The following SOX5 variants were observed in gnomAD, a reference collection of about 807,000 sequenced individuals.
SOX5 encodes the protein transcription factor SOX-5.
Under a neutral mutation model 92.0 loss-of-function variants are expected in SOX5, and 9 were observed. The observed-to-expected ratio is 0.10, with a 90% CI of 0.06 to 0.17. SOX5 has a LOEUF of 0.17. SOX5 is among the 10% of genes least tolerant of loss of function. The pLI is 1.00. For missense variants in SOX5, 642 were observed against 944.5 expected, an observed-to-expected ratio of 0.68 and a Z score of 4.20; for synonymous variants, 344 against 336.3, an observed-to-expected ratio of 1.02 and a Z score of -0.25.
intron 4 of SOX5, among the ~76,000 whole-genome samples, chr12:24,173,358 G>C (rs899525321): frequency 1.3e-5 from 2 of 152,224 alleles, no homozygotes; most frequent in African/African-American, 4.8e-5. Context: ...ACAGACTGAT[G>C]TGACACTTAA....
intron 8 of SOX5, among the ~76,000 whole-genome samples, chr12:23,629,787 A>G (rs2078298979): frequency 6.6e-6 from 1 of 151,824 alleles, no homozygotes; most frequent in African/African-American, 2.4e-5. Flanking sequence ...TCTATCATCC[A>G]CCAAGGATCC....
intron 6 of SOX5, among the ~76,000 whole-genome samples, chr12:23,733,812 G>A (rs1193801836): frequency 6.6e-6 from 1 of 152,120 alleles, no homozygotes; most frequent in African/African-American, 2.4e-5. Context: ...CTCCAGATTA[G>A]CATACTGCAA....
intron 2 of SOX5, among the ~76,000 whole-genome samples, chr12:23,872,586 GTTAA>G (rs146359477): frequency 0.016 from 2,390 of 152,214 alleles, 60 homozygotes; most frequent in African/African-American, 0.055. Context: ...TAAAAAACTA[GTTAA>G]TTAATTCACA....
chr12:24,332,890 A>C (rs1951486404), intron 2 of SOX5, among the ~76,000 whole-genome samples: 1 of 152,150 alleles, frequency 6.6e-6, no homozygotes, highest in Admixed American at 6.5e-5. Flanking sequence ...TAAACATTGT[A>C]AACTGTGATA....
upstream of SOX5, chr12:23,950,738 T>C: frequency 2.5e-6 from 2 of 796,366 alleles, no homozygotes; most frequent in Non-Finnish European, 4.1e-6. Flanking sequence ...CTAAGCTGGC[T>C]GGCAAGGCAC....
chr12:24,534,077 C>T (rs1951424303), intron 1 of SOX5, among the ~76,000 whole-genome samples: 1 of 152,092 alleles, frequency 6.6e-6, no homozygotes, highest in Non-Finnish European at 1.5e-5. Flanking sequence ...TTAAACAACA[C>T]AAATATACTC....
chr12:24,225,479 GT>G (rs5797069), intron 3 of SOX5, among the ~76,000 whole-genome samples: 47,774 of 148,920 alleles, frequency 0.32, 7,911 homozygotes, highest in African/African-American at 0.39. Context: ...ATTATCAGAG[GT>G]TTTTTTTTTT....
At chr12:23,535,216 CTAAAGA>C (rs1325532508) in intron 14 of SOX5, among the ~76,000 whole-genome samples, 4 of 152,114 alleles carry the variant, frequency 2.6e-5, no homozygotes, top group Non-Finnish European at 5.9e-5. Flanking sequence ...AGAATTAAAT[CTAAAGA>C]TAATTAAATT....
intron 1 of SOX5, among the ~76,000 whole-genome samples, chr12:24,512,449 TTAATAAAACTGAAAAA>T (rs1340309124): frequency 2.0e-5 from 3 of 152,228 alleles, no homozygotes; most frequent in Non-Finnish European, 4.4e-5. Flanking sequence ...AGATCAAAGT[TTAATAAAACTGAAAAA>T]TACTTAAGAC....
chr12:24,410,781 G>C (rs1398609489), intron 1 of SOX5, among the ~76,000 whole-genome samples: 2 of 152,048 alleles, frequency 1.3e-5, no homozygotes, highest in African/African-American at 4.8e-5. Context: ...AGTTCTTTTA[G>C]CTATTCTAAT....
chr12:24,079,438 G>T (rs1943058408), intron 4 of SOX5, among the ~76,000 whole-genome samples: 1 of 151,880 alleles, frequency 6.6e-6, no homozygotes, highest in Admixed American at 6.6e-5. Flanking sequence ...CCTACAAAAT[G>T]TATGACATGA....
intron 4 of SOX5, among the ~76,000 whole-genome samples, chr12:23,741,815 C>T (rs575811230): frequency 2.2e-4 from 33 of 152,132 alleles, no homozygotes; most frequent in African/African-American, 6.7e-4. Flanking sequence ...TACATAAATC[C>T]AAAATTTGGA....
chr12:24,302,032 G>A (rs1178977825), intron 2 of SOX5, among the ~76,000 whole-genome samples: 1 of 151,996 alleles, frequency 6.6e-6, no homozygotes, highest in South Asian at 2.1e-4. Flanking sequence ...TATCTTTAGT[G>A]TAATAGACAT....
At chr12:24,397,909 G>A (rs1444207470) in intron 1 of SOX5, among the ~76,000 whole-genome samples, 1 of 151,854 alleles carries the variant, frequency 6.6e-6, no homozygotes, top group Non-Finnish European at 1.5e-5. Flanking sequence ...GAGTGCAGTG[G>A]CACGATCTCG....
intron 4 of SOX5, among the ~76,000 whole-genome samples, chr12:24,044,493 G>A (rs1479053115): frequency 6.6e-6 from 1 of 152,160 alleles, no homozygotes; most frequent in African/African-American, 2.4e-5. Context: ...CTCTAAGTAT[G>A]TTTATCTATT....
Position 24,091,491 on chromosome 12 carries a change from G to A in SOX5, c.-2+121852C>T, listed in dbSNP as rs111771814. Among the ~76,000 whole-genome samples the A allele has an allele frequency of 3.0e-3, 431 of 145,602 alleles. 1 individual carries two copies. The highest frequency in any genetic ancestry group is 4.6e-3 in the Admixed American group (66 of 14,286). The stretch of plus-strand genomic sequence containing the variant: ...GTTGCCTAGGCTGGAGTGCAGTGGC[G>A]CGATCTCGGCTCACTGCAACCTCTA... On this transcript the variant is annotated intron_variant, in intron 4 of 4. Transcript: ENST00000446891.
intron 4 of SOX5, among the ~76,000 whole-genome samples, chr12:24,031,057 G>A (rs191698171): frequency 6.6e-6 from 1 of 152,016 alleles, no homozygotes; most frequent in East Asian, 1.9e-4. Flanking sequence ...TGTTGGCAAG[G>A]ATGTGGAGAA....
At chr12:24,375,374 T>C (rs772687342) in intron 1 of SOX5, among the ~76,000 whole-genome samples, 2 of 152,118 alleles carry the variant, frequency 1.3e-5, no homozygotes, top group Non-Finnish European at 2.9e-5. Flanking sequence ...ACAAAGAGGA[T>C]TTGACACAGC....
At chr12:23,655,279 G>A (rs1009935945) in intron 7 of SOX5, among the ~76,000 whole-genome samples, 2 of 151,956 alleles carry the variant, frequency 1.3e-5, no homozygotes, top group South Asian at 2.1e-4. Flanking sequence ...CTGTATTCCC[G>A]CCTGACTGCT....
Sources: allele counts gnomAD v4.1 joint callset (sites outside exome capture counted in the v4.1 genomes callset), GRCh38; gene constraint gnomAD v4.1.1; transcripts MANE v1.5; gene names NCBI Gene and HGNC (gene_info 2026-07-23, HGNC 2026-07-21).